ARRB1: variants seen among roughly 807,000 people sequenced by gnomAD.
The protein encoded by ARRB1 is arrestin beta 1.
In ARRB1, 21 loss-of-function variants were observed where a neutral mutation model predicts 56.8. That is an observed-to-expected ratio of 0.37 (90% confidence interval 0.26 to 0.53). The LOEUF is 0.53. Ranked by LOEUF, ARRB1 falls within the 20% of genes least tolerant of loss-of-function variation. ARRB1 has a pLI of 0.88. For missense variants in ARRB1, 424 were observed against 553.7 expected (o/e 0.77, Z 2.35); for synonymous variants, 210 against 218.6 (o/e 0.96, Z 0.35).
intron 10 of ARRB1, chr11:75,274,984 C>T (rs1388668930): frequency 6.6e-6 from 1 of 151,408 alleles, no homozygotes; most frequent in Non-Finnish European, 1.5e-5. Context: ...ACCTGTAGTC[C>T]TAGCTACTTG....
At chr11:75,312,414 G>A (rs1284538005) in intron 1 of ARRB1, among the ~76,000 whole-genome samples, 2 of 152,198 alleles carry the variant, frequency 1.3e-5, no homozygotes, top group African/African-American at 4.8e-5. Flanking sequence ...CTTACAGATG[G>A]GGAGACAAAG....
At chr11:75,273,909 T>C (rs1291674324) in intron 11 of ARRB1, among the ~76,000 whole-genome samples, 165 bp downstream of exon 11, 1 of 151,766 alleles carries the variant, frequency 6.6e-6, no homozygotes, top group African/African-American at 2.4e-5. Context: ...GGGTTGGGAG[T>C]AAGGAGGCAG....
chr11:75,276,416 CT>C (rs534861012), intron 10 of ARRB1, among the ~76,000 whole-genome samples: 84 of 152,322 alleles, frequency 5.5e-4, no homozygotes, highest in African/African-American at 2.0e-3. Flanking sequence ...CACACAACCC[CT>C]TTTTCCCAAT....
chr11:75,262,841 C>G lies in ARRB1; in HGVS notation c.*3322G>C, dbSNP rs191439392. Among the ~76,000 whole-genome samples the G allele has an allele frequency of 6.6e-6, 1 of 152,318 alleles. No individual in the cohort carries two copies. Among genetic ancestry groups the G allele is most frequent in the African/African-American group, 2.4e-5 (1 of 41,564 alleles). Reference sequence around the variant, plus strand: ...AGGAACCAGCTTGTCAGGAACTCTCCCACAGAACCAACAGCCAGGTGAACC... The same window carrying G: ...AGGAACCAGCTTGTCAGGAACTCTCGCACAGAACCAACAGCCAGGTGAACC... On this transcript the variant is annotated 3_prime_UTR_variant, in exon 16 of 16. Transcript: ENST00000420843.
intron 14 of ARRB1, among the ~76,000 whole-genome samples, chr11:75,268,458 T>C (rs1391814154): frequency 7.9e-6 from 1 of 126,758 alleles, no homozygotes; most frequent in Non-Finnish European, 1.5e-5. Flanking sequence ...TGAGCTAAGA[T>C]CACGTCACTG....
chr11:75,316,542 C>T (rs964679064), intron 1 of ARRB1, among the ~76,000 whole-genome samples: 6 of 152,044 alleles, frequency 3.9e-5, no homozygotes, highest in Admixed American at 2.6e-4. Context: ...GCACTTCCAG[C>T]GGGTGGGTGT....
intron 13 of ARRB1, 44 bp downstream of exon 13, chr11:75,271,657 C>A: frequency 1.3e-6 from 2 of 1,546,544 alleles, no homozygotes; most frequent in South Asian, 2.4e-5. Flanking sequence ...GGGCTCCAGG[C>A]CCTCCAGGAA....
intron 1 of ARRB1, among the ~76,000 whole-genome samples, chr11:75,343,257 C>T (rs1451656263): frequency 3.9e-5 from 6 of 152,136 alleles, no homozygotes. Context: ...GCTGGGAATC[C>T]AGTGAGGGCT....
At chr11:75,334,513 A>T (rs983329291) in intron 1 of ARRB1, among the ~76,000 whole-genome samples, 9 of 152,286 alleles carry the variant, frequency 5.9e-5, no homozygotes, top group African/African-American at 2.2e-4. Flanking sequence ...AATGAAAGGC[A>T]TGGGCTCCCC....
intron 1 of ARRB1, among the ~76,000 whole-genome samples, chr11:75,296,571 G>C (rs1429674305): frequency 6.6e-6 from 1 of 152,160 alleles, no homozygotes; most frequent in Non-Finnish European, 1.5e-5. Flanking sequence ...CTTTGTGCCT[G>C]TCAGGGAGAG....
intron 10 of ARRB1, among the ~76,000 whole-genome samples, chr11:75,276,497 AG>A (rs1780708808): frequency 6.6e-6 from 1 of 152,200 alleles, no homozygotes; most frequent in African/African-American, 2.4e-5. Context: ...CCTGGCTACC[AG>A]GAAGCCAAGA....
At chr11:75,271,497 T>G in intron 13 of ARRB1, 1 of 549,470 alleles carries the variant, frequency 1.8e-6, no homozygotes, top group South Asian at 2.6e-5. Context: ...TCTGTAAAGA[T>G]CCCTGTCACT....
chr11:75,317,332 G>T (rs11602383), intron 1 of ARRB1, among the ~76,000 whole-genome samples: 1 of 151,934 alleles, frequency 6.6e-6, no homozygotes, highest in Admixed American at 6.6e-5. Flanking sequence ...CCCTCCAGGT[G>T]CTCTCCCCTC....
intron 1 of ARRB1, among the ~76,000 whole-genome samples, chr11:75,321,163 T>C (rs561165703): frequency 1.3e-5 from 2 of 152,268 alleles, no homozygotes; most frequent in East Asian, 3.9e-4. Context: ...AAGGTAAAGT[T>C]TAGGCCTCCA....
At chr11:75,319,299 C>G (rs1947309778) in intron 1 of ARRB1, among the ~76,000 whole-genome samples, 1 of 152,210 alleles carries the variant, frequency 6.6e-6, no homozygotes, top group African/African-American at 2.4e-5. Flanking sequence ...CCTGCGTGCT[C>G]TCCAAGCCCA....
chr11:75,310,740 A>G (rs893549147), intron 1 of ARRB1, among the ~76,000 whole-genome samples: 34 of 152,156 alleles, frequency 2.2e-4, no homozygotes, highest in African/African-American at 7.7e-4. Flanking sequence ...TGCCACAGAG[A>G]GAGAAGGACC....
chr11:75,279,887 G>A (rs533093463), intron 7 of ARRB1, among the ~76,000 whole-genome samples: 5 of 152,174 alleles, frequency 3.3e-5, no homozygotes, highest in African/African-American at 1.2e-4. Context: ...AGGCTGGTCT[G>A]GAACTCCTGG....
intron 1 of ARRB1, among the ~76,000 whole-genome samples, chr11:75,324,883 C>T (rs188386376): frequency 6.6e-6 from 1 of 152,162 alleles, no homozygotes; most frequent in South Asian, 2.1e-4. Context: ...ACCACCCCCA[C>T]CCCTGTCCCT....
At chr11:75,277,782 G>A (rs139993444) in intron 8 of ARRB1, among the ~76,000 whole-genome samples, 7 of 152,244 alleles carry the variant, frequency 4.6e-5, no homozygotes, top group East Asian at 1.9e-4. Flanking sequence ...GAAAGATAAC[G>A]GAATTGGAAG....
Sources: allele counts gnomAD v4.1 joint callset (sites outside exome capture counted in the v4.1 genomes callset), GRCh38; gene constraint gnomAD v4.1.1; transcripts MANE v1.5; gene names NCBI Gene and HGNC (gene_info 2026-07-23, HGNC 2026-07-21).